The following PCDH9 variants were observed in gnomAD, a reference collection of about 807,000 sequenced individuals.
PCDH9 encodes protocadherin-9.
In PCDH9, 24 loss-of-function variants were observed where a neutral mutation model predicts 70.6. The observed-to-expected ratio is 0.34, with a 90% confidence interval of 0.25 to 0.48. PCDH9 has a LOEUF of 0.48. PCDH9 is among the 20% of genes least tolerant of loss of function. The probability of loss-of-function intolerance (pLI) is 0.99; values close to 1 mark genes in which losing one functional copy is unlikely to be tolerated. For missense variants in PCDH9, 1,281 were observed against 1,503.6 expected, an observed-to-expected ratio of 0.85 and a Z score of 2.45; for synonymous variants, 562 against 558.5, an observed-to-expected ratio of 1.01 and a Z score of -0.09.
At chr13:66,515,332 T>C (rs1026935212) in intron 4 of PCDH9, among the ~76,000 whole-genome samples, 1 of 152,064 alleles carries the variant, frequency 6.6e-6, no homozygotes, top group Non-Finnish European at 1.5e-5. Context: ...GCATTACTTA[T>C]ATGTTTAGTA....
intron 2 of PCDH9, among the ~76,000 whole-genome samples, chr13:67,148,683 T>C (rs2087583441): frequency 6.6e-6 from 1 of 152,140 alleles, no homozygotes; most frequent in Admixed American, 6.5e-5. Flanking sequence ...GAAGTCCTTA[T>C]CTATGTTCTT....
rs539086820 is a variant in PCDH9, at chr13:67,067,904, C to T, written c.3036+157501G>A. 1.6e-3 allele frequency among the ~76,000 whole-genome samples: 243 copies of T among 152,134 alleles called. 2 individuals are homozygous for T. Among genetic ancestry groups the T allele is most frequent in the Non-Finnish European group, 2.2e-3 (152 of 67,996 alleles). On this transcript the variant is annotated intron_variant, in intron 2 of 4. Transcript: ENST00000377865. ...GCCTTCAACTAGATCCGGTAAAGGTCTGGCAAACTTAGGTCACTCAAAGTT... is the reference window on the plus strand; with the variant it reads ...GCCTTCAACTAGATCCGGTAAAGGTTTGGCAAACTTAGGTCACTCAAAGTT...
At chr13:66,357,283 A>G (rs1956399744) in intron 4 of PCDH9, among the ~76,000 whole-genome samples, 1 of 152,034 alleles carries the variant, frequency 6.6e-6, no homozygotes, top group Admixed American at 6.6e-5. Flanking sequence ...GCGTGGAGAA[A>G]ACTGCAACAT....
At chr13:66,733,943 G>A (rs2079109923) in intron 3 of PCDH9, among the ~76,000 whole-genome samples, 2 of 152,116 alleles carry the variant, frequency 1.3e-5, no homozygotes, top group African/African-American at 4.8e-5. Flanking sequence ...CTTTGCCCCG[G>A]AGAGGTCTGG....
intron 4 of PCDH9, among the ~76,000 whole-genome samples, chr13:66,432,647 TTC>T (rs944343450): frequency 1.3e-5 from 2 of 151,894 alleles, no homozygotes; most frequent in Admixed American, 1.3e-4. Flanking sequence ...GGACACCTTC[TTC>T]TCATCTTTTG....
intron 4 of PCDH9, among the ~76,000 whole-genome samples, chr13:66,609,784 C>T (rs1287599735): frequency 6.6e-6 from 1 of 151,782 alleles, no homozygotes; most frequent in Non-Finnish European, 1.5e-5. Flanking sequence ...TTCATATATT[C>T]ATAAAATATT....
At chr13:66,545,730 G>T (rs1961156031) in intron 4 of PCDH9, among the ~76,000 whole-genome samples, 1 of 151,970 alleles carries the variant, frequency 6.6e-6, no homozygotes, top group South Asian at 2.1e-4. Context: ...TTTACAGTAG[G>T]TAGTACTTGA....
rs370177996 is a variant in PCDH9, at chr13:67,225,697, A to G, written c.2744T>C (p.Ile915Thr). The G allele has an allele frequency of 1.9e-6, 3 of 1,614,174 alleles. No homozygotes were observed. Among genetic ancestry groups the G allele is most frequent in the Non-Finnish European group, 1.7e-6 (2 of 1,180,016 alleles). ...TGCCGGGCCCCAGTCAAATCTTCCT[A>G]TACTTTGCTCCTCCAGTTCAGCCGG... is the stretch of plus-strand genomic sequence containing the variant. ...SLPAELEEQS[I>T]GRFDWGPAPP... is the part of the protein sequence containing the mutation. Residue 915 changes from isoleucine (I) to threonine (T), a missense_variant, in exon 2 of 5, where the codon ATA becomes ACA. Ile to Thr is a moderately conservative substitution (Grantham distance 89, BLOSUM62 -1). Around this residue, in one of 4 missense-constraint regions of PCDH9, gnomAD observed 207 missense variants for 191.8 expected, o/e 1.08. Transcript: ENST00000377865.
intron 3 of PCDH9, among the ~76,000 whole-genome samples, chr13:66,704,222 T>C (rs2078683994): frequency 6.6e-6 from 1 of 152,218 alleles, no homozygotes; most frequent in South Asian, 2.1e-4. Flanking sequence ...CAATAAAATT[T>C]GATATGTTCA....
chr13:66,432,344 G>T (rs566679927), intron 4 of PCDH9, among the ~76,000 whole-genome samples: 38 of 151,900 alleles, frequency 2.5e-4, no homozygotes, highest in Non-Finnish European at 5.0e-4. Flanking sequence ...GCAACATGAC[G>T]TCTGAGCCTT....
At chr13:67,118,516 A>G (rs928075453) in intron 2 of PCDH9, among the ~76,000 whole-genome samples, 13 of 152,162 alleles carry the variant, frequency 8.5e-5, no homozygotes, top group African/African-American at 2.9e-4. Flanking sequence ...GCCATATGGC[A>G]TAATAGATTT....
chr13:66,390,733 CAA>C (rs34323423), intron 4 of PCDH9, among the ~76,000 whole-genome samples: 2 of 137,992 alleles, frequency 1.4e-5, no homozygotes, highest in African/African-American at 5.6e-5. Flanking sequence ...GGAGTCATCT[CAA>C]AAAAAAAAAA....
intron 3 of PCDH9, among the ~76,000 whole-genome samples, chr13:66,805,027 GAAGAT>G (rs1167270124): frequency 6.6e-6 from 1 of 152,092 alleles, no homozygotes; most frequent in African/African-American, 2.4e-5. Flanking sequence ...AGTTTGGTAG[GAAGAT>G]AAGAATGTAT....
At chr13:67,113,115 C>T (rs1031146696) in intron 2 of PCDH9, among the ~76,000 whole-genome samples, 4 of 152,104 alleles carry the variant, frequency 2.6e-5, no homozygotes, top group Non-Finnish European at 4.4e-5. Flanking sequence ...AATCTTATTT[C>T]CTACTTTTAG....
At chr13:66,468,973 A>G (rs1958565762) in intron 4 of PCDH9, among the ~76,000 whole-genome samples, 1 of 152,158 alleles carries the variant, frequency 6.6e-6, no homozygotes, top group Admixed American at 6.5e-5. Context: ...TGGAAGCCTA[A>G]TGTAAGTAGG....
chr13:67,215,512 A>G (rs1593634661), intron 2 of PCDH9: 1 of 152,240 alleles, frequency 6.6e-6, no homozygotes, highest in East Asian at 1.9e-4. Flanking sequence ...GTTTAAATAA[A>G]AGGTTGGGGT....
chr13:67,003,156 T>C (rs1444284300), intron 2 of PCDH9, among the ~76,000 whole-genome samples: 3 of 152,148 alleles, frequency 2.0e-5, no homozygotes, highest in Non-Finnish European at 4.4e-5. Context: ...ATTGTAATTG[T>C]ATACACATAT....
intron 3 of PCDH9, among the ~76,000 whole-genome samples, chr13:66,687,140 C>T (rs1384184350): frequency 6.6e-6 from 1 of 152,120 alleles, no homozygotes; most frequent in East Asian, 1.9e-4. Flanking sequence ...TAATCACAAG[C>T]TCCAATAAGC....
chr13:67,125,235 A>G (rs2325022), intron 2 of PCDH9, among the ~76,000 whole-genome samples: 1 of 152,134 alleles, frequency 6.6e-6, no homozygotes, highest in Non-Finnish European at 1.5e-5. Context: ...CGTCAGAGGG[A>G]TGTGAATTTT....
Sources: gnomAD v4.1 joint callset for allele counts (sites outside exome capture counted in the v4.1 genomes callset) on GRCh38, gnomAD v4.1.1 for gene constraint, gnomAD v4.1.1 regional missense constraint, MANE v1.5 for transcripts, NCBI Gene and HGNC (gene_info 2026-07-23, HGNC 2026-07-21) for gene names.